CCPG1: variants seen among roughly 807,000 people sequenced by gnomAD.
CCPG1 encodes the protein cell cycle progression protein 1.
CCPG1 carries 46 observed loss-of-function variants against 81.3 expected under a neutral mutation model. That is an observed-to-expected ratio of 0.57 (90% CI 0.45 to 0.72). The LOEUF is 0.72. Ranked by LOEUF, CCPG1 falls within the 30% of genes least tolerant of loss-of-function variation. The probability of loss-of-function intolerance (pLI) is 0.00; values close to 1 mark genes in which losing one functional copy is unlikely to be tolerated. For synonymous variants in CCPG1, 330 were observed against 305.2 expected (o/e 1.08, Z -0.85); for missense variants, 902 against 937.6 (o/e 0.96, Z 0.50).
intron 5 of CCPG1, 77 bp from the exon 6 acceptor site, chr15:55,372,121 C>A (rs1349361642): frequency 3.6e-6 from 5 of 1,370,894 alleles, no homozygotes; most frequent in South Asian, 2.7e-5. Flanking sequence ...TTAGAATAAT[C>A]AATGCCATCC....
At chr15:55,399,725 A>C (rs2057090513) in intron 1 of CCPG1, 1 of 152,192 alleles carries the variant, frequency 6.6e-6, no homozygotes, top group Non-Finnish European at 1.5e-5. Flanking sequence ...AAGGGACTGG[A>C]AAGTGAAGAC....
chr15:55,378,099 A>G (rs2056603669), intron 4 of CCPG1, among the ~76,000 whole-genome samples: 1 of 152,230 alleles, frequency 6.6e-6, no homozygotes, highest in Non-Finnish European at 1.5e-5. Context: ...AAAAAGAATT[A>G]TATTAGAGGT....
intron 3 of CCPG1, among the ~76,000 whole-genome samples, chr15:55,383,278 G>T (rs2056737594): frequency 6.6e-6 from 1 of 152,160 alleles, no homozygotes; most frequent in Non-Finnish European, 1.5e-5. Context: ...CTGAGCAGCA[G>T]GTCTCAACAC....
In CCPG1 at chr15:55,361,316, C is replaced by T. The variant is rs539249329; in HGVS notation, c.829-372G>A. Among the ~76,000 whole-genome samples, 18 of 151,860 alleles carry T rather than the reference C, an allele frequency of 1.2e-4. No homozygotes were observed. In the South Asian group the frequency reaches 2.9e-3, roughly 25 times the overall value. On this transcript the variant is annotated intron_variant, in intron 7 of 8. Transcript: ENST00000442196. ...TGCTGGCATTATAGGCATGAACCAC[C>T]GCGCCTGGCTGGAAGAATTTAAAAG...
chr15:55,393,699 G>A (rs563086659), intron 1 of CCPG1, among the ~76,000 whole-genome samples: 49 of 152,148 alleles, frequency 3.2e-4, no homozygotes, highest in African/African-American at 1.1e-3. Flanking sequence ...GTATGAACAC[G>A]GCTTGCTGAG....
intron 3 of CCPG1, among the ~76,000 whole-genome samples, chr15:55,385,084 A>G (rs1031826167): frequency 7.9e-5 from 12 of 152,294 alleles, no homozygotes; most frequent in African/African-American, 2.9e-4. Flanking sequence ...ACCCAAAAAT[A>G]TACTACAGCT....
At chr15:55,398,464 G>A (rs1326363487) in intron 1 of CCPG1, among the ~76,000 whole-genome samples, 1 of 152,064 alleles carries the variant, frequency 6.6e-6, no homozygotes, top group Non-Finnish European at 1.5e-5. Context: ...TTTCAAGAAC[G>A]TATTTGTAAA....
At chr15:55,379,310 G>A (rs1361870712) in intron 3 of CCPG1, among the ~76,000 whole-genome samples, 2 of 151,800 alleles carry the variant, frequency 1.3e-5, no homozygotes, top group African/African-American at 2.4e-5. Context: ...ACTGCTTGAC[G>A]CTACAAGTTC....
chr15:55,371,945 A>T lies in CCPG1; in HGVS notation c.554T>A (p.Val185Asp). The change falls in exon 6 of 9, where the codon GTT (valine) becomes GAT (aspartate). Residue 185 changes from valine to aspartate, a missense_variant. Physicochemically the swap from Val to Asp is radical, Grantham distance 152. Transcript: ENST00000442196. Reference sequence around the variant, plus strand: ...CCGGTCTTCAGATTCTGAAGCAGAAACGGTCTTCTTCCTAGCACGGCGTCG... The same window carrying T: ...CCGGTCTTCAGATTCTGAAGCAGAATCGGTCTTCTTCCTAGCACGGCGTCG... ...FRRRRARKKT[V>D]SASESEDRLV... is the part of the protein sequence containing the mutation. The T allele has an allele frequency of 6.2e-7, 1 of 1,614,192 alleles. No individual in the cohort carries two copies.
intron 8 of CCPG1, chr15:55,356,828 A>C: frequency 1.0e-6 from 1 of 989,972 alleles, no homozygotes; most frequent in Non-Finnish European, 1.2e-6. Context: ...AAAGCTCACA[A>C]CACCTACACC....
intron 6 of CCPG1, among the ~76,000 whole-genome samples, chr15:55,368,877 C>T (rs1427031864): frequency 3.9e-5 from 6 of 152,034 alleles, no homozygotes; most frequent in African/African-American, 1.2e-4. Flanking sequence ...TTTGGGAGGC[C>T]GAGGCAGGCG....
intron 6 of CCPG1, among the ~76,000 whole-genome samples, chr15:55,367,187 C>T (rs2056348576): frequency 6.6e-6 from 1 of 152,144 alleles, no homozygotes; most frequent in Non-Finnish European, 1.5e-5. Flanking sequence ...TCAGCAGAAT[C>T]CCAGATTTTT....
At chr15:55,390,120 C>T (rs1441102170) in intron 1 of CCPG1, among the ~76,000 whole-genome samples, 1 of 152,166 alleles carries the variant, frequency 6.6e-6, no homozygotes, top group Non-Finnish European at 1.5e-5. Flanking sequence ...GACGGGGTTT[C>T]ACTATGTTGG....
chr15:55,371,598 C>T (rs2056450166), intron 6 of CCPG1, among the ~76,000 whole-genome samples, 195 bp downstream of exon 6: 1 of 152,082 alleles, frequency 6.6e-6, no homozygotes, highest in Admixed American at 6.5e-5. Context: ...TAACTACTAC[C>T]TTATTTAAAT....
intron 1 of CCPG1, among the ~76,000 whole-genome samples, chr15:55,393,223 C>T (rs1007319989): frequency 6.6e-6 from 1 of 152,138 alleles, no homozygotes; most frequent in Non-Finnish European, 1.5e-5. Context: ...TCACTTGAGG[C>T]CAGGCGTTCA....
rs565044184 is a variant in CCPG1 at position 55,363,799 on chromosome 15, CTTTTT to C, written c.828+1384_828+1388del. On this transcript the variant is annotated intron_variant, in intron 7 of 8. Transcript: ENST00000442196. Reference sequence around the variant, plus strand: ...AATAGCTTACTTTTCTTTCCTTTTCCTTTTTTTTTTTTTTTTTTTTTTTTGAGACA... The same window carrying C: ...AATAGCTTACTTTTCTTTCCTTTTCCTTTTTTTTTTTTTTTTTTTGAGACA... Among the ~76,000 whole-genome samples the C allele has an allele frequency of 1.9e-3, 180 of 93,922 alleles. 2 individuals are homozygous for C. The Middle Eastern group carries it at 0.043, about 22-fold the overall frequency. The allele number at this position is 93,922 out of a possible 152,430, so 61.6% of individuals were successfully genotyped here. A position where few individuals can be genotyped will look rare whatever the true frequency, so the allele number is the denominator to read the frequency against.
chr15:55,395,006 A>G, intron 1 of CCPG1, among the ~76,000 whole-genome samples: 1 of 152,134 alleles, frequency 6.6e-6, no homozygotes, highest in East Asian at 1.9e-4. Context: ...TGGATTTGAG[A>G]CTGAGATGGA....
chr15:55,395,565 C>A (rs1363854031), intron 1 of CCPG1, among the ~76,000 whole-genome samples: 1 of 152,070 alleles, frequency 6.6e-6, no homozygotes, highest in Non-Finnish European at 1.5e-5. Flanking sequence ...GTCTTTACTC[C>A]AGGGCTTTAC....
Position 55,355,275 on chromosome 15 carries a change from T to C in CCPG1, c.*945A>G. 6.3e-7 allele frequency: 1 copy of C among 1,593,660 alleles called. No individual in the cohort carries two copies. Among genetic ancestry groups the C allele is most frequent in the Non-Finnish European group, 8.6e-7 (1 of 1,167,728 alleles). ...TAGCCTTTATTTACTTAAACATTTA[T>C]TTGCTTCTAGGAAATAAGCGCTTTC... On this transcript the variant is annotated 3_prime_UTR_variant, in exon 9 of 9. Transcript: ENST00000442196.
Sources: gnomAD v4.1 joint callset for allele counts (sites outside exome capture counted in the v4.1 genomes callset) on GRCh38, gnomAD v4.1.1 for gene constraint, MANE v1.5 for transcripts, NCBI Gene and HGNC (gene_info 2026-07-23, HGNC 2026-07-21) for gene names.